Variants in DHRSX observed in about 807,000 individuals in gnomAD.
The protein encoded by DHRSX is polyprenol dehydrogenase.
Under a neutral mutation model 34.0 loss-of-function variants are expected in DHRSX, and 31 were observed. That is an observed-to-expected ratio of 0.91 (90% confidence interval 0.69 to 1.23). The LOEUF (loss-of-function observed/expected upper bound fraction) is 1.23, where lower values mean the gene tolerates loss of function less well. DHRSX is among the 50% of genes most tolerant of loss of function. The pLI is 0.00. For missense variants in DHRSX, 414 were observed against 428.1 expected (o/e 0.97, Z 0.29); for synonymous variants, 201 against 183.8 (o/e 1.09, Z -0.76).
At chrX:2,252,694 G>A (rs542785784) in intron 5 of DHRSX, among the ~76,000 whole-genome samples, 81 of 152,222 alleles carry the variant, frequency 5.3e-4, no homozygotes, top group African/African-American at 1.8e-3. Flanking sequence ...GGGGGCAGGC[G>A]AAAAGCCAAT....
intron 3 of DHRSX, among the ~76,000 whole-genome samples, chrX:2,370,836 G>A (rs774250349): frequency 4.6e-5 from 7 of 152,240 alleles, no homozygotes; most frequent in South Asian, 4.2e-4. Flanking sequence ...AACGTCAGAG[G>A]ATCAAGCAAC....
intron 3 of DHRSX, among the ~76,000 whole-genome samples, chrX:2,360,392 G>A (rs1281670085): frequency 2.0e-5 from 3 of 152,158 alleles, no homozygotes; most frequent in Non-Finnish European, 4.4e-5. Flanking sequence ...AGACCAGCCT[G>A]ACCAACATGG....
At chrX:2,455,401 C>T (rs1437122543) in intron 1 of DHRSX, among the ~76,000 whole-genome samples, 1 of 151,208 alleles carries the variant, frequency 6.6e-6, no homozygotes, top group Admixed American at 6.6e-5. Context: ...CCAGGACATG[C>T]AATTTACCCG....
At chrX:2,248,432 CAA>C (rs574631590) in intron 5 of DHRSX, among the ~76,000 whole-genome samples, 1 of 111,068 alleles carries the variant, frequency 9.0e-6, no homozygotes, top group Admixed American at 1.0e-4. Flanking sequence ...GACTCTGTCT[CAA>C]AAAAAAAAAG....
At chrX:2,443,781 C>T (rs1459418510) in intron 1 of DHRSX, among the ~76,000 whole-genome samples, 1 of 151,910 alleles carries the variant, frequency 6.6e-6, no homozygotes, top group Non-Finnish European at 1.5e-5. Context: ...CCGAGGCGGG[C>T]AGATCACGAG....
At chrX:2,474,153 G>T (rs1200161846) in intron 1 of DHRSX, among the ~76,000 whole-genome samples, 2 of 142,402 alleles carry the variant, frequency 1.4e-5, no homozygotes, top group African/African-American at 5.8e-5. Context: ...CAGACACTCA[G>T]AAGAATGTGG....
intron 4 of DHRSX, among the ~76,000 whole-genome samples, chrX:2,282,833 GGAGAAAGGGAGAGA>G (rs2041741019): frequency 1.5e-5 from 2 of 131,942 alleles, no homozygotes; most frequent in African/African-American, 3.0e-5. Flanking sequence ...GGAGAGAGAG[GGAGAAAGGGAGAGA>G]GAGAAGGGAG....
At chrX:2,426,527 C>G (rs1483874969) in intron 1 of DHRSX, among the ~76,000 whole-genome samples, 1 of 129,844 alleles carries the variant, frequency 7.7e-6, no homozygotes, top group Non-Finnish European at 1.6e-5. Flanking sequence ...TCCCTTTTTC[C>G]TTCCTTCCTC....
intron 3 of DHRSX, among the ~76,000 whole-genome samples, chrX:2,353,878 G>A (rs1332144478): frequency 6.6e-6 from 1 of 151,932 alleles, no homozygotes; most frequent in Admixed American, 6.6e-5. Flanking sequence ...AGGCCTACAC[G>A]TGGTTTTTAA....
intron 5 of DHRSX, among the ~76,000 whole-genome samples, chrX:2,262,675 G>A (rs1358693491): frequency 1.3e-5 from 2 of 152,226 alleles, no homozygotes; most frequent in Non-Finnish European, 2.9e-5. Context: ...TGCTCTCCCT[G>A]CATTCCTCTC....
chrX:2,251,642 A>G (rs990427395), intron 5 of DHRSX, among the ~76,000 whole-genome samples: 7 of 152,108 alleles, frequency 4.6e-5, no homozygotes, highest in African/African-American at 1.4e-4. Flanking sequence ...ACTGCTGGAG[A>G]GTGTACCCTT....
chrX:2,246,815 GAGA>G (rs1193192494), intron 5 of DHRSX, among the ~76,000 whole-genome samples: 1 of 152,036 alleles, frequency 6.6e-6, no homozygotes, highest in Non-Finnish European at 1.5e-5. Context: ...TAAGGATCTG[GAGA>G]AGAAAAATGA....
chrX:2,399,963 G>A (rs1486551365), intron 3 of DHRSX, among the ~76,000 whole-genome samples: 3 of 151,892 alleles, frequency 2.0e-5, no homozygotes, highest in Admixed American at 2.0e-4. Flanking sequence ...TCCTACTGAG[G>A]AGTTTGAGGC....
chrX:2,443,942 C>G (rs2044095212), intron 1 of DHRSX, among the ~76,000 whole-genome samples: 1 of 149,066 alleles, frequency 6.7e-6, no homozygotes, highest in Non-Finnish European at 1.5e-5. Context: ...GGAGGTGGAG[C>G]TTGCAGTGAG....
intron 1 of DHRSX, among the ~76,000 whole-genome samples, chrX:2,493,977 AAAG>A (rs199812585): frequency 0.045 from 6,475 of 142,804 alleles, 433 homozygotes; most frequent in African/African-American, 0.15. Context: ...CGTCTCAAAG[AAAG>A]AAGAAAACAA....
chrX:2,490,336 G>A (rs1280663969), intron 1 of DHRSX: 12 of 1,613,096 alleles, frequency 7.4e-6, no homozygotes, highest in Middle Eastern at 1.8e-4. Flanking sequence ...CCAGCACGGC[G>A]GCCGTCAGCT....
At chrX:2,445,598 C>A (rs2044120579) in intron 1 of DHRSX, among the ~76,000 whole-genome samples, 1 of 151,986 alleles carries the variant, frequency 6.6e-6, no homozygotes. Context: ...GCCAAGGGAC[C>A]GCTGCCCTGT....
At chrX:2,353,544 A>G (rs2042812558) in intron 3 of DHRSX, among the ~76,000 whole-genome samples, 1 of 151,796 alleles carries the variant, frequency 6.6e-6, no homozygotes, top group Non-Finnish European at 1.5e-5. Flanking sequence ...GTCAGAAGAC[A>G]GTCACACCAG....
intron 6 of DHRSX, among the ~76,000 whole-genome samples, chrX:2,233,672 T>C (rs2015949045): frequency 6.6e-6 from 1 of 152,120 alleles, no homozygotes; most frequent in African/African-American, 2.4e-5. Flanking sequence ...TTGCCAGCTC[T>C]TGGGGCAAAG....
Sources: allele counts gnomAD v4.1 joint callset (sites outside exome capture counted in the v4.1 genomes callset), GRCh38; gene constraint gnomAD v4.1.1; transcripts MANE v1.5; gene names NCBI Gene and HGNC (gene_info 2026-07-23, HGNC 2026-07-21).